The following C4orf36 variants were observed in gnomAD, a reference collection of about 807,000 sequenced individuals.
The protein encoded by C4orf36 is uncharacterized protein C4orf36.
A neutral mutation model predicts 12.2 loss-of-function variants in C4orf36; 11 were observed. The ratio of observed to expected loss-of-function variants is 0.90; its 90% CI spans 0.57 to 1.49. The LOEUF (loss-of-function observed/expected upper bound fraction) is 1.49. Among genes scored for constraint, C4orf36 ranks in the 40% most tolerant of loss-of-function variants. C4orf36 has a pLI of 0.00. For synonymous variants in C4orf36, 54 were observed against 51.3 expected (o/e 1.05, Z -0.22); for missense variants, 137 against 133.9 (o/e 1.02, Z -0.11).
In C4orf36 at chr4:86,878,542, C is replaced by G. The variant is rs544680889; in HGVS notation, c.*3-2099G>C. ...AAGTTAAGAGGTTGCAGCACCTCAG[C>G]AAGTGCATTGAAATGGGTAGGAAAA... On this transcript the variant is annotated intron_variant, in intron 4 of 4. Transcript: ENST00000295898. Among the ~76,000 whole-genome samples the G allele has an allele frequency of 2.0e-5, 3 of 152,302 alleles. No homozygotes were observed. In the South Asian group the frequency reaches 6.2e-4, roughly 32 times the overall value.
chr4:86,934,529 A>G, the C4orf36 span: 2 of 152,164 alleles, frequency 1.3e-5, no homozygotes, highest in Non-Finnish European at 2.9e-5. Flanking sequence ...TGGGAACAAT[A>G]TATCTGTTTT....
At chr4:86,920,124 C>T in the C4orf36 span, among the ~76,000 whole-genome samples, 3 of 152,204 alleles carry the variant, frequency 2.0e-5, no homozygotes, top group African/African-American at 7.2e-5. Flanking sequence ...GAACACAACT[C>T]AGCCAAGTTC....
chr4:86,903,309 A>G, the C4orf36 span, among the ~76,000 whole-genome samples: 1 of 152,240 alleles, frequency 6.6e-6, no homozygotes, highest in Non-Finnish European at 1.5e-5. Context: ...CAAGAGATCG[A>G]GACCATCCTG....
intron 2 of C4orf36, chr4:86,890,148 A>C (rs984138130): frequency 4.0e-5 from 17 of 429,658 alleles, no homozygotes; most frequent in Admixed American, 3.4e-4. Flanking sequence ...CCTGCGTGAC[A>C]GTGTGAGACC....
the C4orf36 span, among the ~76,000 whole-genome samples, chr4:86,907,369 T>A: frequency 6.6e-6 from 1 of 152,080 alleles, no homozygotes; most frequent in Non-Finnish European, 1.5e-5. Context: ...AGGGAGGGGA[T>A]CAGGAAAAAT....
At chr4:86,878,716 C>G (rs1194767709) in intron 4 of C4orf36, among the ~76,000 whole-genome samples, 1 of 152,140 alleles carries the variant, frequency 6.6e-6, no homozygotes, top group Non-Finnish European at 1.5e-5. Context: ...GGATGCTGCT[C>G]AAGGACTGGG....
intron 2 of C4orf36, chr4:86,890,249 G>A: frequency 1.1e-5 from 4 of 380,872 alleles, no homozygotes; most frequent in South Asian, 5.7e-5. Flanking sequence ...AAACTGAGGT[G>A]CAGAGAACAA....
At chr4:86,894,652 T>C (rs1191503615), upstream of C4orf36, among the ~76,000 whole-genome samples, 1 of 152,208 alleles carries the variant, frequency 6.6e-6, no homozygotes, top group Non-Finnish European at 1.5e-5. Context: ...AGTTATTTCC[T>C]GTGTGACTCA....
At chr4:86,897,238 G>A (rs931740787), upstream of C4orf36, among the ~76,000 whole-genome samples, 2 of 152,142 alleles carry the variant, frequency 1.3e-5, no homozygotes, top group East Asian at 3.9e-4. Flanking sequence ...GCACGTACCT[G>A]TAGTTCCAGC....
chr4:86,876,946 C>T (rs78374621), intron 4 of C4orf36, among the ~76,000 whole-genome samples: 7,824 of 152,126 alleles, frequency 0.051, 251 homozygotes, highest in Middle Eastern at 0.075. Context: ...AGATATATTG[C>T]GCAGTAGATT....
At chr4:86,917,397 GAGAGAGAA>G in the C4orf36 span, among the ~76,000 whole-genome samples, 19 of 136,506 alleles carry the variant, frequency 1.4e-4, no homozygotes, top group Non-Finnish European at 2.5e-4. Flanking sequence ...AGGAAGGAAG[GAGAGAGAA>G]AGAGAGGAAG....
rs761499584 is a variant in C4orf36 at position 86,891,448 on chromosome 4, G to A, written c.65+8C>T. 1 of 1,610,870 alleles carries A rather than the reference G, an allele frequency of 6.2e-7. No homozygotes were observed. The highest frequency in any genetic ancestry group is 1.1e-5 in the South Asian group (1 of 90,756). ...TACCCTGATTTAAAAAAAAAAAATA[G>A]TACTTACACATTATAACAACTGCCC... On this transcript the variant is annotated splice_region_variant and intron_variant, in intron 2 of 4. Transcript: ENST00000295898.
At chr4:86,911,067 G>A in the C4orf36 span, among the ~76,000 whole-genome samples, 1 of 152,260 alleles carries the variant, frequency 6.6e-6, no homozygotes, top group East Asian at 1.9e-4. Context: ...TGGCGACAGA[G>A]TGAGACTCCA....
At chr4:86,930,816 G>A in the C4orf36 span, among the ~76,000 whole-genome samples, 1 of 152,090 alleles carries the variant, frequency 6.6e-6, no homozygotes, top group Admixed American at 6.5e-5. Flanking sequence ...TAGGAATCAC[G>A]TTTTCTGCAA....
At chr4:86,913,333 CA>C in the C4orf36 span, 1 of 820,640 alleles carries the variant, frequency 1.2e-6, no homozygotes, top group Non-Finnish European at 2.1e-6. Context: ...GTCAGTAGTG[CA>C]AAATTTGCGA....
chr4:86,906,967 G>A, the C4orf36 span, among the ~76,000 whole-genome samples: 1 of 151,974 alleles, frequency 6.6e-6, no homozygotes, highest in Admixed American at 6.6e-5. Flanking sequence ...TTGAACCCAG[G>A]GGGCGGAGGT....
chr4:86,905,004 G>A, the C4orf36 span, among the ~76,000 whole-genome samples: 1 of 152,152 alleles, frequency 6.6e-6, no homozygotes, highest in African/African-American at 2.4e-5. Flanking sequence ...GAGAGGCTGA[G>A]GTGGGCGGAT....
chr4:86,897,300 G>A (rs1747616376), upstream of C4orf36, among the ~76,000 whole-genome samples: 1 of 152,162 alleles, frequency 6.6e-6, no homozygotes, highest in African/African-American at 2.4e-5. Flanking sequence ...GGTGGAGGTT[G>A]CAGTGAGCTG....
chr4:86,914,807 G>A, the C4orf36 span: 3 of 458,922 alleles, frequency 6.5e-6, no homozygotes, highest in Middle Eastern at 7.5e-4. Context: ...AAAAACTGGT[G>A]CAGTGACATT....
Sources: gnomAD v4.1 joint callset for allele counts (sites outside exome capture counted in the v4.1 genomes callset) on GRCh38, gnomAD v4.1.1 for gene constraint, MANE v1.5 for transcripts, NCBI Gene and HGNC (gene_info 2026-07-23, HGNC 2026-07-21) for gene names.